Variants in HEXB observed in about 807,000 individuals in gnomAD.
HEXB encodes beta-hexosaminidase subunit beta.
Under a neutral mutation model 71.2 loss-of-function variants are expected in HEXB, and 51 were observed. That is an observed-to-expected ratio of 0.72 (90% confidence interval 0.57 to 0.90). The LOEUF (loss-of-function observed/expected upper bound fraction) is 0.90, where lower values mean the gene tolerates loss of function less well. Among genes scored for constraint, HEXB ranks in the 40% least tolerant of loss-of-function variants. The pLI, the probability that HEXB is intolerant of heterozygous loss-of-function variation, is 0.00. For synonymous variants in HEXB, 266 were observed against 249.3 expected (o/e 1.07, Z -0.63); for missense variants, 617 against 677.0 (o/e 0.91, Z 0.98).
intron 6 of HEXB, among the ~76,000 whole-genome samples, chr5:74,708,145 TAAAGA>T (rs1749450086): frequency 6.6e-6 from 1 of 151,868 alleles, no homozygotes; most frequent in African/African-American, 2.4e-5. Flanking sequence ...TCAACATTCT[TAAAGA>T]AAAGAATTTT....
chr5:74,678,360 A>G (rs1748674918), intron 1 of HEXB, among the ~76,000 whole-genome samples: 1 of 151,968 alleles, frequency 6.6e-6, no homozygotes, highest in Admixed American at 6.6e-5. Flanking sequence ...TATTGACTGC[A>G]TAGCAAGTGG....
At chr5:74,714,291 A>G (rs1749622911) in intron 7 of HEXB, among the ~76,000 whole-genome samples, 1 of 152,242 alleles carries the variant, frequency 6.6e-6, no homozygotes. Flanking sequence ...GTCTATTGTG[A>G]GCAAGTCATT....
upstream of HEXB, among the ~76,000 whole-genome samples, chr5:74,684,443 G>A (rs561223541): frequency 6.6e-6 from 1 of 152,304 alleles, no homozygotes; most frequent in South Asian, 2.1e-4. Flanking sequence ...ATTGACCACA[G>A]CTGAAGTGCT....
At chr5:74,657,770 C>G (rs1169879128) in intron 1 of HEXB, among the ~76,000 whole-genome samples, 1 of 152,168 alleles carries the variant, frequency 6.6e-6, no homozygotes, top group Non-Finnish European at 1.5e-5. Context: ...TCTCTGTGTC[C>G]TAGATGCTCC....
chr5:74,672,351 T>C (rs1009307760), intron 1 of HEXB, among the ~76,000 whole-genome samples: 2 of 152,230 alleles, frequency 1.3e-5, no homozygotes, highest in African/African-American at 4.8e-5. Context: ...CCAGCTGAGC[T>C]TTCTGGTCCT....
intron 6 of HEXB, among the ~76,000 whole-genome samples, chr5:74,707,601 G>A (rs1444686084): frequency 6.6e-6 from 1 of 152,254 alleles, no homozygotes; most frequent in Non-Finnish European, 1.5e-5. Context: ...TAAAGGAGCT[G>A]ATGGAGCTGA....
chr5:74,698,785 T>G (rs1169239955), intron 5 of HEXB, among the ~76,000 whole-genome samples: 5 of 152,210 alleles, frequency 3.3e-5, no homozygotes, highest in Non-Finnish European at 7.3e-5. Context: ...TGTAAAAAGT[T>G]TAAACAATAT....
intron 1 of HEXB, among the ~76,000 whole-genome samples, chr5:74,677,326 T>A (rs1304572054): frequency 6.6e-6 from 1 of 152,184 alleles, no homozygotes; most frequent in Non-Finnish European, 1.5e-5. Context: ...CTTGCCTCTC[T>A]GGGCCTGCAG....
chr5:74,684,678 T>TC (rs1438531896), upstream of HEXB, among the ~76,000 whole-genome samples: 145 of 135,000 alleles, frequency 1.1e-3, no homozygotes, highest in East Asian at 2.6e-3. Flanking sequence ...TCTTTTCTTT[T>TC]TTTTTTTTTT....
At chr5:74,657,246 C>A (rs1748237011) in intron 1 of HEXB, among the ~76,000 whole-genome samples, 1 of 152,170 alleles carries the variant, frequency 6.6e-6, no homozygotes, top group African/African-American at 2.4e-5. Context: ...CTTATCCAGT[C>A]TCATCTCTGT....
At chr5:74,709,205 C>T (rs1323462624) in intron 6 of HEXB, among the ~76,000 whole-genome samples, 7 of 152,226 alleles carry the variant, frequency 4.6e-5, no homozygotes, top group East Asian at 3.9e-4. Flanking sequence ...GGGTACATAA[C>T]GAAATGAAGG....
chr5:74,689,190 C>A, intron 1 of HEXB, 138 bp from the exon 2 acceptor site: 1 of 726,882 alleles, frequency 1.4e-6, no homozygotes, highest in Non-Finnish European at 2.4e-6. Context: ...TAATGTACAG[C>A]TTGGGGTGAG....
intron 1 of HEXB, among the ~76,000 whole-genome samples, chr5:74,685,836 G>A (rs1748855355): frequency 6.6e-6 from 1 of 152,122 alleles, no homozygotes; most frequent in African/African-American, 2.4e-5. Context: ...TTGGGCAAAT[G>A]GCATGGACGG....
chr5:74,665,806 G>C (rs1049236467), intron 1 of HEXB, among the ~76,000 whole-genome samples: 1 of 152,126 alleles, frequency 6.6e-6, no homozygotes, highest in African/African-American at 2.4e-5. Context: ...TTTAATGACT[G>C]TTTAAATTAT....
upstream of HEXB, among the ~76,000 whole-genome samples, chr5:74,680,463 C>A (rs1225237590): frequency 6.6e-6 from 1 of 152,182 alleles, no homozygotes; most frequent in African/African-American, 2.4e-5. Context: ...CTTTAAGGAA[C>A]TGCATCCTAG....
intron 8 of HEXB, 25 bp downstream of exon 8, chr5:74,715,715 T>TAAA (rs199855096): frequency 1.5e-5 from 21 of 1,418,606 alleles, no homozygotes; most frequent in Admixed American, 1.2e-4. Context: ...TAAAACCCCT[T>TAAA]TAAAAAAAAA....
intron 1 of HEXB, among the ~76,000 whole-genome samples, chr5:74,664,023 A>T (rs1021538169): frequency 2.0e-5 from 3 of 152,158 alleles, no homozygotes; most frequent in Admixed American, 6.5e-5. Context: ...TGGGAGGCCG[A>T]GGCAGGTGGA....
chr5:74,683,130 T>C (rs1748769941), upstream of HEXB, among the ~76,000 whole-genome samples: 1 of 152,156 alleles, frequency 6.6e-6, no homozygotes. Flanking sequence ...TATTCCTTCC[T>C]CCAGGATACG....
At chr5:74,651,230 G>T (rs910888612) in intron 1 of HEXB, among the ~76,000 whole-genome samples, 9 of 152,184 alleles carry the variant, frequency 5.9e-5, no homozygotes, top group Admixed American at 5.9e-4. Flanking sequence ...TCACATATTT[G>T]CTAAATGGTG....
Sources: gnomAD v4.1 joint callset for allele counts (sites outside exome capture counted in the v4.1 genomes callset) on GRCh38, gnomAD v4.1.1 for gene constraint, MANE v1.5 for transcripts, NCBI Gene and HGNC (gene_info 2026-07-23, HGNC 2026-07-21) for gene names.